DLGAP2: variants seen among roughly 807,000 people sequenced by gnomAD.
DLGAP2 encodes DLG associated protein 2, also known as disks large-associated protein 2.
A neutral mutation model predicts 100.3 loss-of-function variants in DLGAP2; 26 were observed. That is an observed-to-expected ratio of 0.26 (90% CI 0.19 to 0.36). DLGAP2 has a LOEUF of 0.36. Among genes scored for constraint, DLGAP2 ranks in the 10% least tolerant of loss-of-function variants. The probability of loss-of-function intolerance (pLI) is 1.00; values close to 1 mark genes in which losing one functional copy is unlikely to be tolerated. For missense variants in DLGAP2, 1,858 were observed against 1,453.2 expected (o/e 1.28, Z -4.53); for synonymous variants, 886 against 630.1 (o/e 1.41, Z -6.08).
chr8:1,324,649 A>G (rs1042907612), intron 3 of DLGAP2, among the ~76,000 whole-genome samples: 3 of 152,158 alleles, frequency 2.0e-5, no homozygotes, highest in African/African-American at 7.2e-5. Context: ...GCGCCTTTGG[A>G]CTGGAATTGA....
At chr8:1,093,611 C>T (rs1585052104) in intron 2 of DLGAP2, among the ~76,000 whole-genome samples, 1 of 151,516 alleles carries the variant, frequency 6.6e-6, no homozygotes, top group African/African-American at 2.4e-5. Context: ...ACAGAAACAC[C>T]TTCACACCGA....
intron 3 of DLGAP2, among the ~76,000 whole-genome samples, chr8:1,428,720 T>C (rs1224467449): frequency 6.6e-6 from 1 of 152,214 alleles, no homozygotes; most frequent in East Asian, 1.9e-4. Flanking sequence ...CAAGGATGGC[T>C]CAGTGCCAGC....
intron 2 of DLGAP2, among the ~76,000 whole-genome samples, chr8:1,232,171 T>A (rs2116835788): frequency 6.6e-6 from 1 of 152,280 alleles, no homozygotes; most frequent in Admixed American, 6.5e-5. Flanking sequence ...GTGCTGAGCC[T>A]TTGGGGCAGC....
intron 3 of DLGAP2, among the ~76,000 whole-genome samples, chr8:1,315,180 C>G (rs1800704008): frequency 6.6e-6 from 1 of 152,118 alleles, no homozygotes; most frequent in South Asian, 2.1e-4. Context: ...GCGATAATTC[C>G]CAACACTCAA....
At chr8:1,562,042 C>G (rs542598649) in intron 5 of DLGAP2, among the ~76,000 whole-genome samples, 3 of 22,886 alleles carry the variant, frequency 1.3e-4, no homozygotes, top group Admixed American at 1.3e-3. Flanking sequence ...GTTGGGTGTC[C>G]GCGCCTCGTT....
At chr8:815,775 A>G (rs1034969999) in intron 1 of DLGAP2, among the ~76,000 whole-genome samples, 2 of 152,244 alleles carry the variant, frequency 1.3e-5, no homozygotes, top group African/African-American at 4.8e-5. Context: ...CAGAGGCCAT[A>G]CTGAAAGGAG....
intron 6 of DLGAP2, among the ~76,000 whole-genome samples, chr8:1,624,196 C>G (rs558219422): frequency 1.3e-5 from 2 of 152,118 alleles, no homozygotes; most frequent in African/African-American, 4.8e-5. Flanking sequence ...TCAGAAGGAA[C>G]GGCTGTTGTA....
At chr8:1,623,528 C>G (rs528497024) in intron 6 of DLGAP2, among the ~76,000 whole-genome samples, 32 of 137,378 alleles carry the variant, frequency 2.3e-4, no homozygotes, top group African/African-American at 3.6e-4. Context: ...ACCAGTGCGT[C>G]ATGACCTGAC....
chr8:1,516,199 G>A (rs958070029), intron 4 of DLGAP2, among the ~76,000 whole-genome samples: 1 of 152,216 alleles, frequency 6.6e-6, no homozygotes, highest in Admixed American at 6.5e-5. Flanking sequence ...GTGAGAATGA[G>A]TGAATGTGTG....
At chr8:996,159 A>C (rs1584956801) in intron 2 of DLGAP2, among the ~76,000 whole-genome samples, 1 of 152,266 alleles carries the variant, frequency 6.6e-6, no homozygotes, top group East Asian at 1.9e-4. Context: ...TCCACTCCAG[A>C]GCTGAGAGAG....
At chr8:1,551,375 A>G (rs1801761166) in intron 5 of DLGAP2, among the ~76,000 whole-genome samples, 1 of 152,118 alleles carries the variant, frequency 6.6e-6, no homozygotes, top group Non-Finnish European at 1.5e-5. Context: ...TGTTCCCTGA[A>G]TGAGCACTTC....
intron 4 of DLGAP2, among the ~76,000 whole-genome samples, chr8:1,537,461 G>A (rs1406540748): frequency 6.6e-6 from 1 of 152,070 alleles, no homozygotes; most frequent in Non-Finnish European, 1.5e-5. Flanking sequence ...TCCCATGCCT[G>A]CCACCACCAC....
In DLGAP2 at chr8:1,437,847, G is replaced by C. The variant is rs1023532404; in HGVS notation, c.107-63519G>C. On this transcript the variant is annotated intron_variant, in intron 3 of 14. Coordinates refer to ENST00000637795, the MANE Select transcript of DLGAP2 (RefSeq NM_001346810.2). Reference sequence around the variant, plus strand: ...AAAAAAAAAAAAAAATTAGCCGGGCGTGATGTCATGTGCCTGTAATCCCAG... The same window carrying C: ...AAAAAAAAAAAAAAATTAGCCGGGCCTGATGTCATGTGCCTGTAATCCCAG... Among the ~76,000 whole-genome samples, 14 of 149,172 alleles carry C rather than the reference G, an allele frequency of 9.4e-5. No individual in the cohort carries two copies. In the South Asian group the frequency reaches 3.0e-3, roughly 32 times the overall value.
intron 3 of DLGAP2, among the ~76,000 whole-genome samples, chr8:1,480,161 G>C (rs544130292): frequency 1.3e-5 from 2 of 152,316 alleles, no homozygotes; most frequent in South Asian, 2.1e-4. Flanking sequence ...AACCACCACT[G>C]TACCGAACAT....
chr8:1,019,494 G>C (rs1214650334), intron 2 of DLGAP2: 1 of 151,098 alleles, frequency 6.6e-6, no homozygotes, highest in Non-Finnish European at 1.5e-5. Flanking sequence ...TTCCACATCT[G>C]CTTCTGGAGC....
chr8:1,641,069 C>G lies in DLGAP2; in HGVS notation c.1810+8023C>G, dbSNP rs78610750. ...AGCCCTGGGAGACACGGGTAAGGGT[C>G]GGGTGTCGGAGTTAGGACAGGAGCC... On this transcript the variant is annotated intron_variant, in intron 8 of 14. Coordinates refer to ENST00000637795, the MANE Select transcript of DLGAP2 (RefSeq NM_001346810.2). Among the ~76,000 whole-genome samples, 3 of 152,096 alleles carry G rather than the reference C, an allele frequency of 2.0e-5. No individual in the cohort carries two copies. The East Asian group carries it at 5.8e-4, about 30-fold the overall frequency.
intron 3 of DLGAP2, among the ~76,000 whole-genome samples, chr8:1,318,780 C>CT (rs1249452451): frequency 1.6e-5 from 1 of 64,480 alleles, no homozygotes; most frequent in South Asian, 9.2e-4. Context: ...AGTGATCAGC[C>CT]CCCCCCCCGC....
intron 4 of DLGAP2, among the ~76,000 whole-genome samples, chr8:1,506,916 T>C (rs1197130612): frequency 6.6e-6 from 1 of 152,178 alleles, no homozygotes; most frequent in African/African-American, 2.4e-5. Flanking sequence ...GATTGGTGCA[T>C]TTACAATCCT....
At chr8:1,523,196 T>C (rs1258158428) in intron 4 of DLGAP2, among the ~76,000 whole-genome samples, 1 of 152,180 alleles carries the variant, frequency 6.6e-6, no homozygotes, top group Non-Finnish European at 1.5e-5. Context: ...GGGCCCATGG[T>C]CCTGCCAGGG....
Sources: allele counts gnomAD v4.1 joint callset (sites outside exome capture counted in the v4.1 genomes callset), GRCh38; gene constraint gnomAD v4.1.1; transcripts MANE v1.5; gene names NCBI Gene and HGNC (gene_info 2026-07-23, HGNC 2026-07-21).